The following CAMK1D variants were observed in gnomAD, a reference collection of about 807,000 sequenced individuals.
CAMK1D encodes calcium/calmodulin-dependent protein kinase type 1D.
In CAMK1D, 9 loss-of-function variants were observed where a neutral mutation model predicts 47.7. That is an observed-to-expected ratio of 0.19 (90% CI 0.11 to 0.33). The LOEUF (loss-of-function observed/expected upper bound fraction) is 0.33. Among genes scored for constraint, CAMK1D ranks in the 10% least tolerant of loss-of-function variants. The pLI is 1.00. For missense variants in CAMK1D, 291 were observed against 488.7 expected, an observed-to-expected ratio of 0.60 and a Z score of 3.81; for synonymous variants, 184 against 184.9, an observed-to-expected ratio of 0.99 and a Z score of 0.04.
intron 1 of CAMK1D, among the ~76,000 whole-genome samples, chr10:12,513,067 C>G (rs969969064): frequency 6.6e-6 from 1 of 152,186 alleles, no homozygotes; most frequent in African/African-American, 2.4e-5. Flanking sequence ...AGAGGAAATT[C>G]TGAAAGGGGA....
chr10:12,462,395 A>G (rs1020309174), intron 1 of CAMK1D, among the ~76,000 whole-genome samples: 1 of 151,552 alleles, frequency 6.6e-6, no homozygotes, highest in African/African-American at 2.4e-5. Flanking sequence ...CCATCTCTTG[A>G]CCTTGTGATC....
intron 1 of CAMK1D, among the ~76,000 whole-genome samples, chr10:12,541,842 T>TTCCTTCCTTC (rs1836193085): frequency 8.6e-6 from 1 of 116,608 alleles, no homozygotes; most frequent in Non-Finnish European, 1.7e-5. Flanking sequence ...CTGTGTTTTA[T>TTCCTTCCTTC]CTTCCTTCCT....
chr10:12,779,723 G>A (rs976274474), intron 5 of CAMK1D, among the ~76,000 whole-genome samples: 2 of 152,258 alleles, frequency 1.3e-5, no homozygotes, highest in East Asian at 1.9e-4. Context: ...TAACCACTGT[G>A]CCTAGTTGAG....
At chr10:12,397,856 C>T (rs888688994) in intron 1 of CAMK1D, among the ~76,000 whole-genome samples, 1 of 152,156 alleles carries the variant, frequency 6.6e-6, no homozygotes, top group African/African-American at 2.4e-5. Flanking sequence ...ATCCAGATTT[C>T]CAGCTTCTCT....
At chr10:12,458,875 CTTT>C (rs1833339137) in intron 1 of CAMK1D, among the ~76,000 whole-genome samples, 1 of 136,010 alleles carries the variant, frequency 7.4e-6, no homozygotes. Context: ...TCCTTCCTTT[CTTT>C]CCTTTTTTTT....
intron 2 of CAMK1D, among the ~76,000 whole-genome samples, chr10:12,553,587 A>G (rs1057329488): frequency 1.3e-5 from 2 of 152,214 alleles, no homozygotes; most frequent in Non-Finnish European, 2.9e-5. Flanking sequence ...CACAGCTGTC[A>G]GGCAGACTTG....
At chr10:12,721,705 G>A (rs1834385215) in intron 3 of CAMK1D, among the ~76,000 whole-genome samples, 1 of 152,182 alleles carries the variant, frequency 6.6e-6, no homozygotes. Context: ...ACACATGCAT[G>A]AACTAGGTGC....
intron 3 of CAMK1D, among the ~76,000 whole-genome samples, chr10:12,722,300 G>T (rs1205030576): frequency 6.6e-6 from 1 of 151,620 alleles, no homozygotes; most frequent in Admixed American, 6.6e-5. Flanking sequence ...AAAACAATTA[G>T]CCGGGCTTGG....
intron 2 of CAMK1D, among the ~76,000 whole-genome samples, chr10:12,592,986 G>A (rs1838041934): frequency 6.6e-6 from 1 of 152,104 alleles, no homozygotes; most frequent in Admixed American, 6.5e-5. Context: ...CTAAACTCTA[G>A]TCCAAATTAG....
At chr10:12,583,811 G>C (rs1318826405) in intron 2 of CAMK1D, among the ~76,000 whole-genome samples, 1 of 152,104 alleles carries the variant, frequency 6.6e-6, no homozygotes, top group African/African-American at 2.4e-5. Context: ...ACGTTGGCCA[G>C]GATGGTCTCG....
intron 5 of CAMK1D, among the ~76,000 whole-genome samples, chr10:12,784,883 A>T (rs777811239): frequency 6.6e-6 from 1 of 152,226 alleles, no homozygotes; most frequent in Non-Finnish European, 1.5e-5. Context: ...CAATCAGGAC[A>T]TACGGAGATG....
At chr10:12,638,883 C>T (rs957314266) in intron 2 of CAMK1D, among the ~76,000 whole-genome samples, 20 of 152,304 alleles carry the variant, frequency 1.3e-4, no homozygotes, top group African/African-American at 2.9e-4. Context: ...CCGTAGTCCC[C>T]GTTGGTGTCC....
rs56338800 is a variant in CAMK1D at position 12,827,461 on chromosome 10, TTTG to T, written c.1040-1306_1040-1304del. 9.9e-3 allele frequency among the ~76,000 whole-genome samples: 203 copies of T among 20,588 alleles called. 59 individuals are homozygous for T. The highest frequency in any genetic ancestry group is 0.03 in the South Asian group (16 of 528). 13.5% of individuals were successfully genotyped at this position (20,588 alleles called of 152,430 possible). A position where few individuals can be genotyped will look rare whatever the true frequency, so the allele number is the denominator to read the frequency against. ...CTTCTTTCTTTCTTTCTTTTCTTTC[TTTG>T]TCTGTCTGTCTTTCTTTCTTTCTTT... On this transcript the variant is annotated intron_variant, in intron 10 of 10. Transcript: ENST00000619168.
chr10:12,499,435 A>G (rs1270516531), intron 1 of CAMK1D, among the ~76,000 whole-genome samples: 1 of 152,176 alleles, frequency 6.6e-6, no homozygotes, highest in Admixed American at 6.5e-5. Context: ...TGAAAAAAAA[A>G]TCAAATGAAA....
intron 1 of CAMK1D, among the ~76,000 whole-genome samples, chr10:12,489,126 C>T (rs902530533): frequency 3.9e-5 from 6 of 152,008 alleles, no homozygotes; most frequent in Admixed American, 6.6e-5. Flanking sequence ...TTAGTAGAGA[C>T]AGGGAGTTTC....
intron 5 of CAMK1D, among the ~76,000 whole-genome samples, 172 bp downstream of exon 5, chr10:12,769,971 G>C (rs1308671215): frequency 6.6e-6 from 1 of 152,240 alleles, no homozygotes; most frequent in African/African-American, 2.4e-5. Context: ...ACACTGGAAT[G>C]AATAATTCAT....
intron 1 of CAMK1D, among the ~76,000 whole-genome samples, chr10:12,440,049 A>G (rs1458041554): frequency 1.3e-5 from 2 of 152,142 alleles, no homozygotes; most frequent in Admixed American, 6.5e-5. Context: ...CTCCCATAAC[A>G]TGTGGGAATT....
chr10:12,539,073 G>A (rs139902311), intron 1 of CAMK1D, among the ~76,000 whole-genome samples: 49 of 152,172 alleles, frequency 3.2e-4, no homozygotes, highest in African/African-American at 1.1e-3. Flanking sequence ...GGCCTCCGTC[G>A]TATTTTTAGA....
At chr10:12,420,995 CCTT>C (rs1840030779) in intron 1 of CAMK1D, among the ~76,000 whole-genome samples, 1 of 152,156 alleles carries the variant, frequency 6.6e-6, no homozygotes, top group African/African-American at 2.4e-5. Context: ...CCAGAGAAGT[CCTT>C]CTTGCTGGTT....
Sources: gnomAD v4.1 joint callset for allele counts (sites outside exome capture counted in the v4.1 genomes callset) on GRCh38, gnomAD v4.1.1 for gene constraint, MANE v1.5 for transcripts, NCBI Gene and HGNC (gene_info 2026-07-23, HGNC 2026-07-21) for gene names.